Variants in PODXL observed in about 807,000 individuals in gnomAD.
PODXL encodes podocalyxin like, also known as podocalyxin.
PODXL carries 20 observed loss-of-function variants against 48.9 expected under a neutral mutation model. That is an observed-to-expected ratio of 0.41 (90% confidence interval 0.29 to 0.59). PODXL has a LOEUF of 0.59. Ranked by LOEUF, PODXL falls within the 20% of genes least tolerant of loss-of-function variation. The pLI is 0.31. For synonymous variants in PODXL, 295 were observed against 287.4 expected (o/e 1.03, Z -0.27); for missense variants, 606 against 675.1 (o/e 0.90, Z 1.13).
chr7:131,546,626 C>T (rs1156549683), intron 1 of PODXL, among the ~76,000 whole-genome samples: 2 of 149,206 alleles, frequency 1.3e-5, no homozygotes, highest in African/African-American at 2.5e-5. Context: ...TGGGGGAAGC[C>T]GAGGTGAGAG....
At chr7:131,505,305 G>A (rs910428528) in intron 8 of PODXL, among the ~76,000 whole-genome samples, 1 of 152,180 alleles carries the variant, frequency 6.6e-6, no homozygotes, top group African/African-American at 2.4e-5. Context: ...TGCCCAAAGA[G>A]CTCATCTGAC....
chr7:131,518,963 G>A (rs895198860), intron 1 of PODXL, among the ~76,000 whole-genome samples: 6 of 152,178 alleles, frequency 3.9e-5, no homozygotes, highest in Non-Finnish European at 8.8e-5. Context: ...ACCTATCCCT[G>A]TGGGTCCCTC....
At chr7:131,533,622 T>C (rs527854419) in intron 1 of PODXL, among the ~76,000 whole-genome samples, 1 of 152,274 alleles carries the variant, frequency 6.6e-6, no homozygotes, top group South Asian at 2.1e-4. Context: ...TAAGAAGCCC[T>C]GGTTCACACC....
chr7:131,536,346 C>G (rs944692501), intron 1 of PODXL, among the ~76,000 whole-genome samples: 2 of 152,194 alleles, frequency 1.3e-5, no homozygotes, highest in African/African-American at 2.4e-5. Context: ...GCCCTCCCCT[C>G]TGGATGGCTG....
intron 1 of PODXL, among the ~76,000 whole-genome samples, chr7:131,528,049 G>A (rs1379599802): frequency 5.9e-5 from 9 of 151,818 alleles, no homozygotes; most frequent in Admixed American, 2.6e-4. Flanking sequence ...GATTACAGGC[G>A]CCCATCACCT....
intron 1 of PODXL, among the ~76,000 whole-genome samples, chr7:131,552,398 A>G (rs1449818696): frequency 2.0e-5 from 3 of 152,144 alleles, no homozygotes; most frequent in African/African-American, 7.2e-5. Context: ...AAGGGGGGGA[A>G]TTCTAACCAC....
At chr7:131,522,851 T>G (rs1054574510) in intron 1 of PODXL, among the ~76,000 whole-genome samples, 1 of 152,256 alleles carries the variant, frequency 6.6e-6, no homozygotes, top group Admixed American at 6.5e-5. Flanking sequence ...TGCTAGCATG[T>G]GTCTGTTCCT....
intron 1 of PODXL, among the ~76,000 whole-genome samples, chr7:131,555,420 T>C (rs1484383878): frequency 6.6e-6 from 1 of 152,136 alleles, no homozygotes; most frequent in African/African-American, 2.4e-5. Flanking sequence ...CATTTCACCT[T>C]GAAAAGAAAC....
At chr7:131,525,257 G>A (rs981027165) in intron 1 of PODXL, among the ~76,000 whole-genome samples, 1 of 151,960 alleles carries the variant, frequency 6.6e-6, no homozygotes, top group Non-Finnish European at 1.5e-5. Context: ...ATCCTAGGAT[G>A]TAATGGAGAC....
intron 1 of PODXL, among the ~76,000 whole-genome samples, chr7:131,511,772 G>A (rs1322346223): frequency 2.0e-5 from 3 of 152,174 alleles, no homozygotes; most frequent in Admixed American, 1.3e-4. Context: ...CTCTAAGAGG[G>A]CAGCTTGGAG....
intron 8 of PODXL, among the ~76,000 whole-genome samples, chr7:131,504,973 G>T (rs1797774156): frequency 6.6e-6 from 1 of 152,202 alleles, no homozygotes. Context: ...TCTGGCAGAG[G>T]CGCTTTCTGT....
chr7:131,509,002 CTG>C lies in PODXL; in HGVS notation c.1048_1049del (p.Gln350AspfsTer4), dbSNP rs754047751. ...NWAKCEDLETQTQSEKQLVLN... is the reference protein window; with the variant it reads ...NWAKCEDLETXTQSEKQLVLN... ...GGACGAGCTGCTTCTCACTCTGTGTCTGTGTCTCAAGATCCTCACACTTTGCC... is the reference window on the plus strand; with the variant it reads ...GGACGAGCTGCTTCTCACTCTGTGTCTGTCTCAAGATCCTCACACTTTGCC... On this transcript the variant is annotated frameshift_variant, in exon 5 of 9. Coordinates refer to ENST00000378555, the MANE Select transcript of PODXL (RefSeq NM_001018111.3). LOFTEE classifies it high-confidence loss of function. 6.2e-7 allele frequency: 1 copy of C among 1,614,054 alleles called. No homozygotes were observed. The highest frequency in any genetic ancestry group is 1.1e-5 in the South Asian group (1 of 91,080).
In PODXL at chr7:131,510,883, G is replaced by A. The variant is rs766270713; in HGVS notation, c.651C>T (p.Ser217=). The A allele has an allele frequency of 1.9e-6, 3 of 1,614,134 alleles. No individual in the cohort carries two copies. The highest frequency in any genetic ancestry group is 2.5e-6 in the Non-Finnish European group (3 of 1,180,028). The change falls in exon 2 of 9, where the codon AGC becomes AGT. Residue 217 remains serine (S), a synonymous_variant. Coordinates refer to ENST00000378555, the MANE Select transcript of PODXL (RefSeq NM_001018111.3). ...AGGTGTAGCCAGGGATAGCCACAGT[G>A]CTTGAACTGCTTGAAATTTTCATAA... ...DHLMKISSSS[S]TVAIPGYTFT...
intron 1 of PODXL, among the ~76,000 whole-genome samples, chr7:131,545,029 G>A (rs1007116168): frequency 7.2e-5 from 11 of 152,162 alleles, no homozygotes; most frequent in South Asian, 2.1e-4. Flanking sequence ...AAACAGCACC[G>A]TGATGCTGTC....
Position 131,521,733 on chromosome 7 carries a change from A to T in PODXL, c.101-10300T>A, listed in dbSNP as rs548190714. Reference sequence around the variant, plus strand: ...GTAGGCATTGTAAGGTCCACAACACAGGGCAGTTTACTCCTGGGAACCCCG... The same window carrying T: ...GTAGGCATTGTAAGGTCCACAACACTGGGCAGTTTACTCCTGGGAACCCCG... On this transcript the variant is annotated intron_variant, in intron 1 of 8. Transcript: ENST00000378555. Among the ~76,000 whole-genome samples, 7 of 152,334 alleles carry T rather than the reference A, an allele frequency of 4.6e-5. No homozygotes were observed. The East Asian group carries it at 1.2e-3, about 25-fold the overall frequency.
rs925949361 is a variant in PODXL at position 131,503,483 on chromosome 7, A to G, written c.*828T>C. ...GACCCCTCATCAGCTGCCCTGAGATACCAGCCTGGACTCGAGTGTCCCCTT... is the reference window on the plus strand; with the variant it reads ...GACCCCTCATCAGCTGCCCTGAGATGCCAGCCTGGACTCGAGTGTCCCCTT... On this transcript the variant is annotated 3_prime_UTR_variant, in exon 9 of 9. Coordinates refer to ENST00000378555, the MANE Select transcript of PODXL (RefSeq NM_001018111.3). The G allele has an allele frequency of 2.6e-5, 4 of 152,410 alleles. No homozygotes were observed. The highest frequency in any genetic ancestry group is 9.6e-5 in the African/African-American group (4 of 41,568). The allele number at this position is 152,410 out of a possible 1,614,324, so 9.4% of individuals were successfully genotyped here.
rs746255906 is a variant in PODXL at position 131,524,379 on chromosome 7, C to CACACACAGAGAGAGAG, written c.101-12947_101-12946insCTCTCTCTCTGTGTGT. ...ACACACACGCACACACACACACACA[C>CACACACAGAGAGAGAG]AGAGAGAGAGAGAGAGAGAGAGAGA... On this transcript the variant is annotated intron_variant, in intron 1 of 8. Coordinates refer to ENST00000378555, the MANE Select transcript of PODXL (RefSeq NM_001018111.3). Among the ~76,000 whole-genome samples, 264 of 104,088 alleles carry CACACACAGAGAGAGAG rather than the reference C, an allele frequency of 2.5e-3. 3 individuals carry two copies. Among genetic ancestry groups the CACACACAGAGAGAGAG allele is most frequent in the African/African-American group, 6.9e-3 (248 of 35,880 alleles). The allele number at this position is 104,088 out of a possible 152,430, so 68.3% of individuals were successfully genotyped here.
At chr7:131,504,605 GT>G (rs1407589782) in intron 8 of PODXL, 97 bp from the exon 9 acceptor site, 1 of 1,023,044 alleles carries the variant, frequency 9.8e-7, no homozygotes, top group Non-Finnish European at 1.5e-6. Context: ...GAGCCCCACT[GT>G]AGCTAAAGCA....
chr7:131,504,197 A>G lies in PODXL; in HGVS notation c.*114T>C. ...AAGGCCCTGGGGGGATTGGGAGGGG[A>G]CACCCCTCGGAGTTCACTCTCCCTC... On this transcript the variant is annotated 3_prime_UTR_variant, in exon 9 of 9. Transcript: ENST00000378555. The G allele has an allele frequency of 1.3e-6, 1 of 787,348 alleles. No homozygotes were observed. Among genetic ancestry groups the G allele is most frequent in the South Asian group, 1.7e-5 (1 of 59,316 alleles). 48.8% of individuals were successfully genotyped at this position (787,348 alleles called of 1,614,324 possible).
Sources: gnomAD v4.1 joint callset for allele counts (sites outside exome capture counted in the v4.1 genomes callset) on GRCh38, gnomAD v4.1.1 for gene constraint, MANE v1.5 for transcripts, NCBI Gene and HGNC (gene_info 2026-07-23, HGNC 2026-07-21) for gene names.